Variants in PHEX observed in about 807,000 individuals in gnomAD.
PHEX encodes phosphate regulating endopeptidase X-linked, also known as phosphate-regulating neutral endopeptidase PHEX.
A neutral mutation model predicts 68.0 loss-of-function variants in PHEX; 16 were observed. The ratio of observed to expected loss-of-function variants is 0.24; its 90% CI spans 0.16 to 0.36. The LOEUF (loss-of-function observed/expected upper bound fraction) is 0.36. PHEX is among the 10% of genes least tolerant of loss of function. PHEX has a pLI of 1.00. For missense variants in PHEX, 480 were observed against 575.5 expected (o/e 0.83, Z 1.70); for synonymous variants, 208 against 205.1 (o/e 1.01, Z -0.12).
At chrX:22,210,341 A>G (rs1934880077) in intron 15 of PHEX, among the ~76,000 whole-genome samples, 1 of 112,190 alleles carries the variant, frequency 8.9e-6, no homozygotes, top group South Asian at 3.7e-4. Context: ...AGTGACAGAC[A>G]TAGAGGCTCA....
chrX:22,113,521 T>G (rs727240), intron 10 of PHEX, among the ~76,000 whole-genome samples: 17,453 of 111,514 alleles, frequency 0.16, 3,255 homozygotes, highest in African/African-American at 0.54. Flanking sequence ...GGAAACTTCT[T>G]ACTTGTTTGT....
chrX:22,239,615 C>T (rs1042982258), intron 20 of PHEX, among the ~76,000 whole-genome samples: 109 of 109,991 alleles, frequency 9.9e-4, no homozygotes, highest in African/African-American at 3.5e-3. Flanking sequence ...AATAGCCGAA[C>T]TGATCAAGCG....
At chrX:22,109,467 C>T (rs774166725) in intron 9 of PHEX, among the ~76,000 whole-genome samples, 2 of 111,929 alleles carry the variant, frequency 1.8e-5, no homozygotes, top group African/African-American at 3.2e-5. Flanking sequence ...TAGTATATCT[C>T]TATAGAAATT....
At chrX:22,129,364 T>A (rs1931882118) in intron 11 of PHEX, among the ~76,000 whole-genome samples, 1 of 111,738 alleles carries the variant, frequency 8.9e-6, no homozygotes, top group South Asian at 3.8e-4. Context: ...AATAAGGGGG[T>A]ACTACTGTAC....
intron 12 of PHEX, among the ~76,000 whole-genome samples, chrX:22,166,879 T>G: frequency 8.9e-6 from 1 of 112,002 alleles, no homozygotes; most frequent in East Asian, 2.8e-4. Flanking sequence ...GTATTTGCCT[T>G]TTGGTGCCTG....
intron 2 of PHEX, among the ~76,000 whole-genome samples, chrX:22,040,450 G>C (rs1406164337): frequency 8.9e-6 from 1 of 111,746 alleles, no homozygotes; most frequent in Admixed American, 9.5e-5. Context: ...GGGCAAATTA[G>C]TGAGACCCCA....
chrX:22,077,580 T>G lies in PHEX; in HGVS notation c.541T>G (p.Ser181Ala), dbSNP rs778710788. The G allele has an allele frequency of 8.3e-7, 1 of 1,209,603 alleles. No individual in the cohort carries two copies. ...TAATATTGGCCCTGAAGGGGTTTGG[T>G]CAGAGAGAAAGTTCAGCCTTCTGCA... Reference protein sequence around the residue: ...ESNIGPEGVWSERKFSLLQTL... With the variant: ...ESNIGPEGVWAERKFSLLQTL... Residue 181 changes from serine to alanine, a missense_variant, in exon 5 of 22, where the codon TCA becomes GCA. By Grantham distance (99) the Ser-to-Ala change is moderately conservative. Transcript: ENST00000379374.
At chrX:22,149,153 G>T (rs1352221979) in intron 12 of PHEX, among the ~76,000 whole-genome samples, 1 of 112,147 alleles carries the variant, frequency 8.9e-6, no homozygotes, top group East Asian at 2.8e-4. Context: ...GAAAGGTGAT[G>T]CTCCACTCTG....
chrX:22,225,529 G>A (rs191964823), intron 18 of PHEX, among the ~76,000 whole-genome samples: 303 of 111,777 alleles, frequency 2.7e-3, no homozygotes, highest in African/African-American at 8.8e-3. Flanking sequence ...TTTGTGGGGC[G>A]TATGGTCTCT....
chrX:22,123,344 G>A (rs1208159117), intron 11 of PHEX, among the ~76,000 whole-genome samples: 1 of 110,700 alleles, frequency 9.0e-6, no homozygotes, highest in African/African-American at 3.3e-5. Flanking sequence ...GATAAATGAA[G>A]GAGTATGGCA....
At chrX:22,218,667 G>A (rs1243871554) in intron 16 of PHEX, among the ~76,000 whole-genome samples, 1 of 111,490 alleles carries the variant, frequency 9.0e-6, no homozygotes, top group African/African-American at 3.3e-5. Flanking sequence ...TTTACTGACA[G>A]GATCTTTTCA....
chrX:22,072,025 G>A (rs1394933146), intron 3 of PHEX, among the ~76,000 whole-genome samples: 3 of 112,408 alleles, frequency 2.7e-5, no homozygotes, highest in South Asian at 3.7e-4. Context: ...TCAGGAGTTC[G>A]AGACCAGCCT....
At chrX:22,055,329 C>G (rs140498236) in intron 3 of PHEX, among the ~76,000 whole-genome samples, 2,263 of 109,813 alleles carry the variant, frequency 0.021, 58 homozygotes, top group African/African-American at 0.071. Flanking sequence ...ATTCTTGTAT[C>G]AGATAATCAC....
rs533025681 is a variant in PHEX, at chrX:22,065,605, T to C, written c.350-10783T>C. Among the ~76,000 whole-genome samples the C allele has an allele frequency of 1.1e-4, 12 of 111,695 alleles. No individual in the cohort carries two copies. The South Asian group carries it at 4.2e-3, about 39-fold the overall frequency. On this transcript the variant is annotated intron_variant, in intron 3 of 21. Coordinates refer to ENST00000379374, the MANE Select transcript of PHEX (RefSeq NM_000444.6). ...CACGCCCAGATAATTTTTGTATTTT[T>C]AGTAGAGATGGGGTTTCACTATGTT... is the stretch of plus-strand genomic sequence containing the variant.
intron 16 of PHEX, among the ~76,000 whole-genome samples, chrX:22,216,693 AT>A (rs139859276): frequency 0.19 from 20,366 of 107,159 alleles, 2,002 homozygotes; most frequent in African/African-American, 0.36. Context: ...CTAATTTTGT[AT>A]TTTTTAATAG....
intron 12 of PHEX, among the ~76,000 whole-genome samples, chrX:22,154,151 A>G (rs1392729475): frequency 9.0e-6 from 1 of 111,338 alleles, no homozygotes; most frequent in Admixed American, 9.5e-5. Context: ...TTAGAAAACA[A>G]ATATGTACAA....
intron 4 of PHEX, 93 bp from the exon 5 acceptor site, chrX:22,077,383 A>G (rs1362423844): frequency 1.3e-6 from 1 of 771,870 alleles, no homozygotes; most frequent in Non-Finnish European, 2.0e-6. Flanking sequence ...TTGGAGCATT[A>G]TGGGAATTTT....
At chrX:22,188,187 G>A (rs1246985086) in intron 14 of PHEX, among the ~76,000 whole-genome samples, 1 of 111,938 alleles carries the variant, frequency 8.9e-6, no homozygotes, top group Non-Finnish European at 1.9e-5. Context: ...TAATTTGTTA[G>A]TCTGACATAA....
intron 3 of PHEX, among the ~76,000 whole-genome samples, chrX:22,051,260 G>A (rs954286023): frequency 8.9e-6 from 1 of 112,679 alleles, no homozygotes; most frequent in Non-Finnish European, 1.9e-5. Context: ...GCTGGACGCA[G>A]TGGCTCTTGC....
Sources: allele counts gnomAD v4.1 joint callset (sites outside exome capture counted in the v4.1 genomes callset), GRCh38; gene constraint gnomAD v4.1.1; transcripts MANE v1.5; gene names NCBI Gene and HGNC (gene_info 2026-07-23, HGNC 2026-07-21).